The following CCN4 variants were observed in gnomAD, a reference collection of about 807,000 sequenced individuals.
CCN4 encodes the protein CCN family member 4.
CCN4 carries 30 observed loss-of-function variants against 36.7 expected under a neutral mutation model. The observed-to-expected ratio is 0.82, with a 90% confidence interval of 0.61 to 1.11. The LOEUF (loss-of-function observed/expected upper bound fraction) is 1.11, where lower values mean the gene tolerates loss of function less well. CCN4 is among the 50% of genes least tolerant of loss of function. The pLI is 0.00. For missense variants in CCN4, 505 were observed against 504.9 expected, an observed-to-expected ratio of 1.00 and a Z score of 0.00; for synonymous variants, 191 against 195.4, an observed-to-expected ratio of 0.98 and a Z score of 0.19.
intron 1 of CCN4, among the ~76,000 whole-genome samples, chr8:133,198,812 C>T (rs1853480679): frequency 6.6e-6 from 1 of 152,222 alleles, no homozygotes; most frequent in African/African-American, 2.4e-5. Context: ...TCCTGCAAAG[C>T]CAAGCCCTTT....
intron 1 of CCN4, among the ~76,000 whole-genome samples, chr8:133,194,293 G>GGC (rs1554739539): frequency 1.7e-5 from 2 of 118,368 alleles, no homozygotes; most frequent in African/African-American, 6.8e-5. Flanking sequence ...GGGTGTGTCT[G>GGC]GTGTGTGTGT....
chr8:133,229,142 T>C lies in CCN4; in HGVS notation c.*1432T>C, dbSNP rs1854860292. On this transcript the variant is annotated 3_prime_UTR_variant, in exon 5 of 5. Transcript: ENST00000250160. Reference sequence around the variant, plus strand: ...AAGTTCCCATTATTATTTCTGTTCTTACAAATGTGAAACGGAAGCTCATAG... The same window carrying C: ...AAGTTCCCATTATTATTTCTGTTCTCACAAATGTGAAACGGAAGCTCATAG... The C allele has an allele frequency of 6.6e-6, 1 of 152,216 alleles. No individual in the cohort carries two copies. Among genetic ancestry groups the C allele is most frequent in the African/African-American group, 2.4e-5 (1 of 41,470 alleles). 9.4% of individuals were successfully genotyped at this position (152,216 alleles called of 1,614,324 possible).
At chr8:133,201,430 G>A (rs1853584042) in intron 1 of CCN4, among the ~76,000 whole-genome samples, 1 of 152,134 alleles carries the variant, frequency 6.6e-6, no homozygotes, top group Admixed American at 6.5e-5. Flanking sequence ...CTAATTTATT[G>A]GTGTGATAAT....
Position 133,231,030 on chromosome 8 carries a change from CA to C in CCN4, c.*3324del, listed in dbSNP as rs1207794195. The C allele has an allele frequency of 6.6e-6, 1 of 152,200 alleles. No individual in the cohort carries two copies. Among genetic ancestry groups the C allele is most frequent in the Non-Finnish European group, 1.5e-5 (1 of 68,030 alleles). 9.4% of individuals were successfully genotyped at this position (152,200 alleles called of 1,614,324 possible). A position where few individuals can be genotyped will look rare whatever the true frequency, so the allele number is the denominator to read the frequency against. On this transcript the variant is annotated 3_prime_UTR_variant, in exon 5 of 5. Transcript: ENST00000250160. Reference sequence around the variant, plus strand: ...CGCCTAGTTATTCTGTCCCCCAAATCAAAAGGCATGACCTTTATAAGAGGCG... The same window carrying C: ...CGCCTAGTTATTCTGTCCCCCAAATCAAAGGCATGACCTTTATAAGAGGCG...
chr8:133,193,209 A>G (rs1400291280), intron 1 of CCN4, among the ~76,000 whole-genome samples: 2 of 152,260 alleles, frequency 1.3e-5, no homozygotes, highest in African/African-American at 4.8e-5. Flanking sequence ...CACATGTCCA[A>G]CCAGGGTCTC....
At position 133,229,470 on chromosome 8, in the gene CCN4, T is replaced by C. The variant is rs1482109691; in HGVS notation, c.*1760T>C. ...GAATCCCCTGTAGCTTATTCCCTCT[T>C]TCCCATCGGAACCAGCTCTCATCAC... On this transcript the variant is annotated 3_prime_UTR_variant, in exon 5 of 5. Coordinates refer to ENST00000250160, the MANE Select transcript of CCN4 (RefSeq NM_003882.4). The C allele has an allele frequency of 6.6e-6, 1 of 152,234 alleles. No individual in the cohort carries two copies. The highest frequency in any genetic ancestry group is 1.5e-5 in the Non-Finnish European group (1 of 68,036). The allele number at this position is 152,234 out of a possible 1,614,324, so 9.4% of individuals were successfully genotyped here.
At chr8:133,220,509 C>T (rs1382440743) in intron 2 of CCN4, 72 bp from the exon 3 acceptor site, 2 of 1,570,652 alleles carry the variant, frequency 1.3e-6, no homozygotes, top group Non-Finnish European at 1.7e-6. Flanking sequence ...CCACATGGAG[C>T]CCCTATAAAG....
At position 133,196,673 on chromosome 8, in the gene CCN4, A is replaced by G. The variant is rs1441777449; in HGVS notation, c.69+5460A>G. Among the ~76,000 whole-genome samples, 7 of 152,330 alleles carry G rather than the reference A, an allele frequency of 4.6e-5. 1 individual carries two copies. In the South Asian group the frequency reaches 8.3e-4, roughly 18 times the overall value. ...GTAAGTAGCCCAGCTTTTCTGAGCC[A>G]GGATCATCTCTGTATAAAGGAATAT... On this transcript the variant is annotated intron_variant, in intron 1 of 4. Coordinates refer to ENST00000250160, the MANE Select transcript of CCN4 (RefSeq NM_003882.4).
chr8:133,192,357 G>T (rs75139079), intron 1 of CCN4, among the ~76,000 whole-genome samples: 2,689 of 152,314 alleles, frequency 0.018, 77 homozygotes, highest in African/African-American at 0.062. Flanking sequence ...GTGTAATGAT[G>T]GCGGGGAGTG....
intron 2 of CCN4, among the ~76,000 whole-genome samples, chr8:133,216,052 A>ACGTG (rs1854310720): frequency 1.3e-5 from 2 of 152,128 alleles, no homozygotes; most frequent in Non-Finnish European, 2.9e-5. Flanking sequence ...ATGTGCCCAC[A>ACGTG]CATGCACAAA....
intron 1 of CCN4, among the ~76,000 whole-genome samples, chr8:133,199,850 G>C (rs1853523861): frequency 6.6e-6 from 1 of 152,146 alleles, no homozygotes; most frequent in African/African-American, 2.4e-5. Flanking sequence ...TGTGAGCCAA[G>C]GCCCACGGCG....
At chr8:133,216,431 G>A (rs953330187) in intron 2 of CCN4, among the ~76,000 whole-genome samples, 5 of 152,124 alleles carry the variant, frequency 3.3e-5, no homozygotes, top group Non-Finnish European at 7.3e-5. Context: ...TGACCCTACT[G>A]GGCCCAGCCA....
chr8:133,202,029 T>C (rs1853606101), intron 1 of CCN4, among the ~76,000 whole-genome samples: 1 of 152,236 alleles, frequency 6.6e-6, no homozygotes, highest in African/African-American at 2.4e-5. Flanking sequence ...AGTTTAAATT[T>C]GTGTACAGTA....
intron 1 of CCN4, among the ~76,000 whole-genome samples, chr8:133,212,477 C>A (rs1451416345): frequency 1.3e-5 from 2 of 152,058 alleles, no homozygotes; most frequent in Non-Finnish European, 2.9e-5. Flanking sequence ...CCGAGCCCCG[C>A]GCAGCCACAT....
At chr8:133,214,781 C>T (rs1854259319) in intron 2 of CCN4, among the ~76,000 whole-genome samples, 3 of 152,116 alleles carry the variant, frequency 2.0e-5, no homozygotes, top group African/African-American at 7.2e-5. Context: ...TCCCTTCTTC[C>T]CTTAGTGCTG....
intron 1 of CCN4, 39 bp from the exon 2 acceptor site, chr8:133,212,825 T>C (rs10089461): frequency 0.49 from 722,005 of 1,467,112 alleles, 178,750 homozygotes; most frequent in East Asian, 0.58. Context: ...GAAACCCCTG[T>C]CTCAGCAGCC....
rs72731540 is a variant in CCN4 at position 133,220,781 on chromosome 8, G to A, written c.550G>A (p.Val184Ile). The A allele has an allele frequency of 0.022, 36,068 of 1,612,332 alleles. 589 individuals are homozygous for A. Among genetic ancestry groups the A allele is most frequent in the Admixed American group, 0.041 (2,474 of 59,998 alleles). Residue 184 changes from valine (V) to isoleucine (I), a missense_variant, in exon 3 of 5, where the codon GTA becomes ATA. Val to Ile is a conservative substitution (Grantham distance 29). Coordinates refer to ENST00000250160, the MANE Select transcript of CCN4 (RefSeq NM_003882.4). ...ACCTGGCCACTGCTGTGAGCAGTGG[G>A]TATGTGAGGACGACGCCAAGAGGCC... Reference protein sequence around the residue: ...SIPGHCCEQWVCEDDAKRPRK... With the variant: ...SIPGHCCEQWICEDDAKRPRK...
intron 2 of CCN4, among the ~76,000 whole-genome samples, chr8:133,218,341 C>T (rs936635399): frequency 6.6e-5 from 10 of 152,216 alleles, no homozygotes; most frequent in Non-Finnish European, 1.5e-4. Context: ...GCACGGATAA[C>T]CGCACCCCAA....
At chr8:133,206,297 A>G (rs2929937) in intron 1 of CCN4, among the ~76,000 whole-genome samples, 98,134 of 152,028 alleles carry the variant, frequency 0.65, 32,486 homozygotes, top group East Asian at 0.94. Flanking sequence ...ATCATGACAG[A>G]CCTGGGTGCA....
Sources: allele counts gnomAD v4.1 joint callset (sites outside exome capture counted in the v4.1 genomes callset), GRCh38; gene constraint gnomAD v4.1.1; transcripts MANE v1.5; gene names NCBI Gene and HGNC (gene_info 2026-07-23, HGNC 2026-07-21).